The following MAMLD1 variants were observed in gnomAD, a reference collection of about 807,000 sequenced individuals.
MAMLD1 encodes the protein mastermind like domain containing 1, also known as mastermind-like domain-containing protein 1.
A neutral mutation model predicts 45.0 loss-of-function variants in MAMLD1; 14 were observed. The observed-to-expected ratio is 0.31, with a 90% CI of 0.21 to 0.49. The LOEUF (loss-of-function observed/expected upper bound fraction) is 0.49. MAMLD1 is among the 20% of genes least tolerant of loss of function. The pLI is 0.99. For missense variants in MAMLD1, 543 were observed against 603.6 expected, an observed-to-expected ratio of 0.90 and a Z score of 1.05; for synonymous variants, 254 against 247.8, an observed-to-expected ratio of 1.02 and a Z score of -0.24.
chrX:150,468,283 G>A (rs892103280), intron 3 of MAMLD1, among the ~76,000 whole-genome samples: 21 of 111,758 alleles, frequency 1.9e-4, no homozygotes, highest in African/African-American at 5.2e-4. Context: ...GCCCCTCATC[G>A]TGCTGGCAAG....
Position 150,512,284 on chromosome X carries a change from T to A in MAMLD1, c.*325T>A, listed in dbSNP as rs2070779. On this transcript the variant is annotated 3_prime_UTR_variant, in exon 8 of 8. Coordinates refer to ENST00000370401, the MANE Select transcript of MAMLD1 (RefSeq NM_005491.5). ...ACTCTGTCTGCCAGCATATGCAGAG[T>A]CCCAAGGCCACCCCACCAGAAGTGC... The A allele has an allele frequency of 4.5e-6, 5 of 1,119,619 alleles. No homozygotes were observed. Among genetic ancestry groups the A allele is most frequent in the Admixed American group, 5.5e-5 (2 of 36,076 alleles). The allele number at this position is 1,119,619 out of a possible 1,213,427, so 92.3% of individuals were successfully genotyped here. A position where few individuals can be genotyped will look rare whatever the true frequency, so the allele number is the denominator to read the frequency against.
At chrX:150,367,362 C>G (rs782342886) in intron 1 of MAMLD1, among the ~76,000 whole-genome samples, 1 of 111,530 alleles carries the variant, frequency 9.0e-6, no homozygotes, top group East Asian at 2.8e-4. Flanking sequence ...TTAGCTTAGC[C>G]AGCATGTTTA....
intron 5 of MAMLD1, among the ~76,000 whole-genome samples, chrX:150,480,845 G>A (rs2036730179): frequency 8.9e-6 from 1 of 112,235 alleles, no homozygotes; most frequent in Non-Finnish European, 1.9e-5. Context: ...ATGGATAGCT[G>A]TACCTCACTA....
At chrX:150,446,008 G>A (rs1465473017) in intron 2 of MAMLD1, among the ~76,000 whole-genome samples, 3 of 111,762 alleles carry the variant, frequency 2.7e-5, no homozygotes, top group African/African-American at 9.8e-5. Context: ...AAGCTAGTGA[G>A]TAGGCACAGA....
chrX:150,496,603 T>A (rs1368684621), intron 5 of MAMLD1, among the ~76,000 whole-genome samples: 1 of 112,218 alleles, frequency 8.9e-6, no homozygotes, highest in Non-Finnish European at 1.9e-5. Flanking sequence ...GGGCAACGAT[T>A]GCCACAGGCC....
At chrX:150,362,323 C>T (rs868935471), upstream of MAMLD1, among the ~76,000 whole-genome samples, 5 of 111,170 alleles carry the variant, frequency 4.5e-5, no homozygotes, top group African/African-American at 6.6e-5. Flanking sequence ...GAATAGGCTA[C>T]TTTGTGATGA....
intron 2 of MAMLD1, among the ~76,000 whole-genome samples, chrX:150,456,458 A>G (rs1408295400): frequency 1.8e-5 from 2 of 111,702 alleles, no homozygotes; most frequent in East Asian, 5.6e-4. Flanking sequence ...GGGATTTTAT[A>G]AAGGCCTGTA....
Position 150,470,957 on chromosome X carries a change from A to G in MAMLD1, c.1384A>G (p.Lys462Glu). 2 of 1,211,732 alleles carry G rather than the reference A, an allele frequency of 1.7e-6. No individual in the cohort carries two copies. Among genetic ancestry groups the G allele is most frequent in the African/African-American group, 1.7e-5 (1 of 57,744 alleles). ...GCCGTCCCCACCCTATCGCCCAGAG[A>G]AGCTCTCTAGCCCAGGCTTGCCACA... ...PGPSPPYRPEKLSSPGLPQQS... is the reference protein window; with the variant it reads ...PGPSPPYRPEELSSPGLPQQS... Residue 462 changes from lysine (K) to glutamate (E), a missense_variant, in exon 4 of 8, where the codon AAG becomes GAG. Physicochemically the swap from Lys to Glu is moderately conservative, Grantham distance 56 (BLOSUM62 1). Coordinates refer to ENST00000370401, the MANE Select transcript of MAMLD1 (RefSeq NM_005491.5).
At chrX:150,481,931 T>TAAGAAAGA (rs1287699684) in intron 5 of MAMLD1, among the ~76,000 whole-genome samples, 1 of 48,701 alleles carries the variant, frequency 2.1e-5, no homozygotes, top group Non-Finnish European at 4.1e-5. Flanking sequence ...ACAGAGAAAG[T>TAAGAAAGA]AAGAAAGAAA....
chrX:150,502,847 G>A (rs1450861861), intron 5 of MAMLD1, among the ~76,000 whole-genome samples: 1 of 105,376 alleles, frequency 9.5e-6, no homozygotes, highest in Non-Finnish European at 2.0e-5. Flanking sequence ...GTGGGGTAGG[G>A]TGGGATCAGG....
intron 1 of MAMLD1, among the ~76,000 whole-genome samples, chrX:150,427,772 T>A (rs1389229388): frequency 3.6e-5 from 4 of 112,007 alleles, no homozygotes; most frequent in African/African-American, 1.3e-4. Flanking sequence ...TCATTTTTCC[T>A]CTGATTTGGT....
intron 5 of MAMLD1, among the ~76,000 whole-genome samples, chrX:150,474,894 C>G (rs1254476334): frequency 9.0e-6 from 1 of 111,626 alleles, no homozygotes; most frequent in East Asian, 2.8e-4. Context: ...CCTATTAACT[C>G]TAAGACCTAA....
chrX:150,475,408 G>A (rs1280760673), intron 5 of MAMLD1, among the ~76,000 whole-genome samples: 8 of 112,040 alleles, frequency 7.1e-5, no homozygotes, highest in Non-Finnish European at 1.5e-4. Flanking sequence ...TTAAATGTGA[G>A]ATGAGACACA....
At chrX:150,445,152 C>CTTGTAG (rs782073428) in intron 1 of MAMLD1, among the ~76,000 whole-genome samples, 1 of 112,352 alleles carries the variant, frequency 8.9e-6, no homozygotes, top group African/African-American at 3.2e-5. Flanking sequence ...AGATATCATA[C>CTTGTAG]TTGTAGGCCC....
At position 150,456,675 on chromosome X, in the gene MAMLD1, G is replaced by A. The variant is rs1237034162; in HGVS notation, c.97-6097G>A. 7.1e-5 allele frequency among the ~76,000 whole-genome samples: 8 copies of A among 112,214 alleles called. No individual in the cohort carries two copies. The Admixed American group carries it at 7.5e-4, about 11-fold the overall frequency. ...GAACCAACCTCCCAGGTACACACCCGTTGCACAGGCAGTCTCTGCTGAGTC... is the reference window on the plus strand; with the variant it reads ...GAACCAACCTCCCAGGTACACACCCATTGCACAGGCAGTCTCTGCTGAGTC... On this transcript the variant is annotated intron_variant, in intron 2 of 7. Coordinates refer to ENST00000370401, the MANE Select transcript of MAMLD1 (RefSeq NM_005491.5).
chrX:150,457,941 C>T (rs1402134579), intron 2 of MAMLD1, among the ~76,000 whole-genome samples: 1 of 111,666 alleles, frequency 9.0e-6, no homozygotes, highest in East Asian at 2.8e-4. Context: ...CATGCTATGT[C>T]TATTTTACCT....
chrX:150,491,918 C>G (rs1267074422), intron 5 of MAMLD1, among the ~76,000 whole-genome samples: 7 of 112,410 alleles, frequency 6.2e-5, no homozygotes, highest in African/African-American at 2.3e-4. Context: ...CTAGCTTCCT[C>G]CAGGTGTGCA....
chrX:150,385,767 TCTAA>T (rs1428118622), intron 1 of MAMLD1, among the ~76,000 whole-genome samples: 10 of 111,600 alleles, frequency 9.0e-5, no homozygotes, highest in Non-Finnish European at 7.5e-5. Flanking sequence ...ATAATTTCTC[TCTAA>T]CTTTTTGCTT....
At chrX:150,502,770 C>T (rs2037597994) in intron 5 of MAMLD1, among the ~76,000 whole-genome samples, 1 of 99,728 alleles carries the variant, frequency 1.0e-5, no homozygotes, top group South Asian at 5.4e-4. Context: ...AGCGTGTTCA[C>T]ACACACATAC....
Sources: allele counts gnomAD v4.1 joint callset (sites outside exome capture counted in the v4.1 genomes callset), GRCh38; gene constraint gnomAD v4.1.1; transcripts MANE v1.5; gene names NCBI Gene and HGNC (gene_info 2026-07-23, HGNC 2026-07-21).